MCC: variants seen among roughly 807,000 people sequenced by gnomAD.
MCC encodes the protein MCC regulator of Wnt signaling pathway.
Under a neutral mutation model 116.2 loss-of-function variants are expected in MCC, and 90 were observed. The observed-to-expected ratio is 0.77, with a 90% CI of 0.65 to 0.92. MCC has a LOEUF of 0.92. MCC is among the 40% of genes least tolerant of loss of function. The pLI, the probability that MCC is intolerant of heterozygous loss-of-function variation, is 0.00. For synonymous variants in MCC, 578 were observed against 510.5 expected, an observed-to-expected ratio of 1.13 and a Z score of -1.78; for missense variants, 1,516 against 1,312.2, an observed-to-expected ratio of 1.16 and a Z score of -2.40.
intron 6 of MCC, chr5:113,104,634 T>C (rs1019154324): frequency 1.8e-5 from 5 of 274,644 alleles, no homozygotes; most frequent in East Asian, 1.4e-4. Flanking sequence ...AACAAAGAAA[T>C]GCCCAGAAGA....
chr5:113,429,318 G>T (rs569321583), intron 1 of MCC, among the ~76,000 whole-genome samples: 1 of 152,096 alleles, frequency 6.6e-6, no homozygotes, highest in Non-Finnish European at 1.5e-5. Context: ...GCCATGTGAG[G>T]GCACAGGGAG....
intron 1 of MCC, among the ~76,000 whole-genome samples, chr5:113,477,170 C>T (rs575495164): frequency 2.6e-5 from 4 of 152,204 alleles, no homozygotes; most frequent in Admixed American, 2.0e-4. Context: ...ACAGTAAGCA[C>T]TCAATAATAT....
intron 5 of MCC, 58 bp from the exon 6 acceptor site, chr5:113,122,884 G>A (rs1198901335): frequency 1.3e-6 from 2 of 1,548,976 alleles, no homozygotes; most frequent in East Asian, 2.3e-5. Flanking sequence ...ACCCCCTAGA[G>A]AATATGTCTT....
At chr5:113,091,421 G>A (rs1026406157) in intron 8 of MCC, among the ~76,000 whole-genome samples, 1 of 152,148 alleles carries the variant, frequency 6.6e-6, no homozygotes, top group African/African-American at 2.4e-5. Context: ...TAAAACAAGA[G>A]AGCCAGCAGT....
chr5:113,254,733 G>C (rs1004685294), intron 3 of MCC, among the ~76,000 whole-genome samples: 2 of 152,198 alleles, frequency 1.3e-5, no homozygotes, highest in African/African-American at 2.4e-5. Flanking sequence ...ATACCACTTT[G>C]AGGGAGTGGT....
intron 1 of MCC, among the ~76,000 whole-genome samples, chr5:113,387,009 C>T (rs1769277672): frequency 6.6e-6 from 1 of 152,234 alleles, no homozygotes; most frequent in South Asian, 2.1e-4. Context: ...CCCTTAACTT[C>T]AGGCTTCACA....
intron 3 of MCC, among the ~76,000 whole-genome samples, chr5:113,306,579 ATTGT>A (rs1399255326): frequency 6.6e-6 from 1 of 151,850 alleles, no homozygotes; most frequent in African/African-American, 2.4e-5. Context: ...TTGTCTTTTT[ATTGT>A]TTAATTTTAA....
rs1365921985 is a variant in MCC, at chr5:113,434,234, T to C, written c.171-49022A>G. ...AGACCATGATGTAGAGGATCACGCC[T>C]AGGCTCCAGATGTCGTACACCTTGG... On this transcript the variant is annotated intron_variant, in intron 1 of 18. Transcript: ENST00000408903. The surrounding 1 kb of genome is among the most constrained non-coding windows in gnomAD (Gnocchi z 4.2). 6.2e-7 allele frequency: 1 copy of C among 1,614,046 alleles called. No individual in the cohort carries two copies. The highest frequency in any genetic ancestry group is 1.3e-5 in the African/African-American group (1 of 75,020).
intron 3 of MCC, among the ~76,000 whole-genome samples, chr5:113,321,332 T>A (rs1365901238): frequency 6.6e-6 from 1 of 152,334 alleles, no homozygotes; most frequent in East Asian, 1.9e-4. Flanking sequence ...TTATACCATT[T>A]TAATACATCT....
At chr5:113,316,255 CA>C (rs61130931) in intron 3 of MCC, among the ~76,000 whole-genome samples, 48,628 of 110,864 alleles carry the variant, frequency 0.44, 8,806 homozygotes, top group African/African-American at 0.57. Flanking sequence ...GACTCTGTCT[CA>C]AAAAAAAAAA....
chr5:113,354,307 C>A (rs6868148), intron 2 of MCC, among the ~76,000 whole-genome samples: 1 of 151,888 alleles, frequency 6.6e-6, no homozygotes, highest in Non-Finnish European at 1.5e-5. Context: ...ATCCCAGTCA[C>A]GTAATCTTAC....
chr5:113,230,459 T>C (rs1057428559), intron 3 of MCC, among the ~76,000 whole-genome samples: 1 of 152,206 alleles, frequency 6.6e-6, no homozygotes, highest in African/African-American at 2.4e-5. Context: ...AATTCTTATA[T>C]GCAACATTGC....
At chr5:113,427,390 G>A (rs891089281) in intron 1 of MCC, among the ~76,000 whole-genome samples, 3 of 152,164 alleles carry the variant, frequency 2.0e-5, no homozygotes, top group Admixed American at 1.3e-4. Flanking sequence ...TCTGTACATG[G>A]AAGAAACATA....
At chr5:113,193,134 T>G (rs371982768) in intron 3 of MCC, among the ~76,000 whole-genome samples, 15 of 152,164 alleles carry the variant, frequency 9.9e-5, no homozygotes, top group East Asian at 7.7e-4. Context: ...AATCTTCCAG[T>G]CTCTCTCAGA....
chr5:113,204,017 C>A (rs1762804210), intron 3 of MCC, among the ~76,000 whole-genome samples: 1 of 152,190 alleles, frequency 6.6e-6, no homozygotes, highest in Non-Finnish European at 1.5e-5. Flanking sequence ...TTCCGTCCTT[C>A]CTTTTCCGGC....
chr5:113,295,556 C>CATCCCTTGAA (rs1766685160), intron 3 of MCC, among the ~76,000 whole-genome samples: 1 of 152,126 alleles, frequency 6.6e-6, no homozygotes, highest in Non-Finnish European at 1.5e-5. Context: ...CCCCAACCCC[C>CATCCCTTGAA]AGACCTTCCT....
intron 3 of MCC, among the ~76,000 whole-genome samples, chr5:113,236,114 T>C (rs1429868017): frequency 6.6e-6 from 1 of 152,080 alleles, no homozygotes; most frequent in Non-Finnish European, 1.5e-5. Context: ...CAAGATCCTC[T>C]TTTAAAGGCT....
At chr5:113,098,494 G>A (rs1756189117) in intron 8 of MCC, among the ~76,000 whole-genome samples, 1 of 152,146 alleles carries the variant, frequency 6.6e-6, no homozygotes, top group Admixed American at 6.5e-5. Context: ...ATTCTCCCTT[G>A]CCTACATTAA....
chr5:113,071,157 A>G lies in MCC; in HGVS notation c.1862T>C (p.Met621Thr). The part of the protein sequence containing the change: ...LEECKSNAER[M>T]SMLVGKYESN... ...TTCGTATTTTCCCACCAGCATGCTC[A>G]TCCTCTCGGCATTGCTTTTACATTC... The change falls in exon 12 of 19, where the codon ATG becomes ACG. Residue 621 changes from methionine to threonine, a missense_variant. Coordinates refer to ENST00000408903, the MANE Select transcript of MCC (RefSeq NM_001085377.2). 2 of 1,614,148 alleles carry G rather than the reference A, an allele frequency of 1.2e-6. No homozygotes were observed. The highest frequency in any genetic ancestry group is 1.7e-6 in the Non-Finnish European group (2 of 1,179,996).
Sources: allele counts gnomAD v4.1 joint callset (sites outside exome capture counted in the v4.1 genomes callset), GRCh38; gene constraint gnomAD v4.1.1; non-coding constraint Gnocchi (gnomAD v3.1); transcripts MANE v1.5; gene names NCBI Gene and HGNC (gene_info 2026-07-23, HGNC 2026-07-21).